RTP5: variants seen among roughly 807,000 people sequenced by gnomAD.
The protein encoded by RTP5 is receptor-transporting protein 5.
A neutral mutation model predicts 23.5 loss-of-function variants in RTP5; 30 were observed. The observed-to-expected ratio is 1.27, with a 90% CI of 0.95 to 1.73. RTP5 has a LOEUF of 1.73. RTP5 is among the 40% of genes most tolerant of loss of function. The probability of loss-of-function intolerance (pLI) is 0.00; values close to 1 mark genes in which losing one functional copy is unlikely to be tolerated. For synonymous variants in RTP5, 354 were observed against 342.1 expected, an observed-to-expected ratio of 1.03 and a Z score of -0.38; for missense variants, 807 against 784.2, an observed-to-expected ratio of 1.03 and a Z score of -0.35.
In RTP5 at chr2:241,872,627, G is replaced by A. The variant is rs763603406; in HGVS notation, c.1072G>A (p.Asp358Asn). 2.2e-5 allele frequency: 35 copies of A among 1,556,154 alleles called. No homozygotes were observed. Among genetic ancestry groups the A allele is most frequent in the Middle Eastern group, 3.4e-4 (2 of 5,808 alleles). Reference protein sequence around the residue: ...IFTNTLSEPTDGPVATKEASI... With the variant: ...IFTNTLSEPTNGPVATKEASI... ...CACCAACACCCTCTCGGAGCCCACC[G>A]ATGGCCCTGTGGCCACTAAAGAGGC... Residue 358 changes from aspartate to asparagine, a missense_variant, in exon 2 of 2, where the codon GAT (aspartate) becomes AAT (asparagine). Transcript: ENST00000343216.
chr2:241,870,639 A>G (rs1256412778), intron 1 of RTP5, among the ~76,000 whole-genome samples: 1 of 152,210 alleles, frequency 6.6e-6, no homozygotes, highest in African/African-American at 2.4e-5. Context: ...TGTGTGCAGA[A>G]TCCCAGCTTT....
At position 241,872,891 on chromosome 2, in the gene RTP5, G is replaced by T. The variant is rs748203611; in HGVS notation, c.1336G>T (p.Gly446Cys). ...TDITEGKEKEGGLVTAGHDAP... is the reference protein window; with the variant it reads ...TDITEGKEKECGLVTAGHDAP... The stretch of plus-strand genomic sequence containing the variant: ...CATCACTGAAGGCAAAGAGAAGGAA[G>T]GTGGCCTGGTCACCGCGGGTCACGA... The change falls in exon 2 of 2, where the codon GGT (glycine) becomes TGT (cysteine). Residue 446 changes from glycine to cysteine, a missense_variant. Physicochemically the swap from Gly to Cys is radical, Grantham distance 159. Coordinates refer to ENST00000343216, the MANE Select transcript of RTP5 (RefSeq NM_173821.3). 1 of 1,612,858 alleles carries T rather than the reference G, an allele frequency of 6.2e-7. No homozygotes were observed. The highest frequency in any genetic ancestry group is 8.5e-7 in the Non-Finnish European group (1 of 1,179,978).
In RTP5 at chr2:241,871,724, G is replaced by A. The variant is rs368585524; in HGVS notation, c.169G>A (p.Gly57Ser). 14 of 1,605,364 alleles carry A rather than the reference G, an allele frequency of 8.7e-6. No homozygotes were observed. The highest frequency in any genetic ancestry group is 1.7e-5 in the Admixed American group (1 of 58,944). ...LLVGLSRLQC[G>S]HCPGTWDSAH... is the part of the protein sequence containing the mutation. ...CTTTCCCCGCCGCAGGCTCCAGTGC[G>A]GTCACTGTCCGGGGACCTGGGACTC... The change falls in exon 2 of 2, where the codon GGT (glycine) becomes AGT (serine). Residue 57 changes from glycine (G) to serine (S), a missense_variant. Transcript: ENST00000343216.
At chr2:241,870,863 G>T in intron 1 of RTP5, 2 of 457,056 alleles carry the variant, frequency 4.4e-6, no homozygotes, top group East Asian at 7.0e-5. Flanking sequence ...CCTCCAGCAC[G>T]AACGTGTCCA....
rs201602032 is a variant in RTP5, at chr2:241,872,115, C to T, written c.560C>T (p.Pro187Leu). 437 of 1,603,194 alleles carry T rather than the reference C, an allele frequency of 2.7e-4. No homozygotes were observed. Among genetic ancestry groups the T allele is most frequent in the Non-Finnish European group, 3.4e-4 (398 of 1,173,282 alleles). Residue 187 changes from proline to leucine, a missense_variant, in exon 2 of 2, where the codon CCG becomes CTG. Transcript: ENST00000343216. ...GGTGTVSRGK[P>L]LSTPGDDLGK... The stretch of plus-strand genomic sequence containing the variant: ...ACTGGCACCGTCTCCAGGGGCAAAC[C>T]GCTGTCCACCCCTGGCGACGACCTT...
chr2:241,870,151 G>T (rs1256387231), intron 1 of RTP5, among the ~76,000 whole-genome samples: 1 of 152,198 alleles, frequency 6.6e-6, no homozygotes, highest in African/African-American at 2.4e-5. Flanking sequence ...TGGAGAGTTT[G>T]GTTTCCCTCA....
rs1701281883 is a variant in RTP5, at chr2:241,869,834, G to A, written c.78G>A (p.Trp26Ter). 3 of 1,580,766 alleles carry A rather than the reference G, an allele frequency of 1.9e-6. No homozygotes were observed. The highest frequency in any genetic ancestry group is 4.7e-5 in the East Asian group (2 of 42,938). The change falls in exon 1 of 2, where the codon TGG becomes TGA. Residue 26 changes from tryptophan (W) to a stop codon, truncating the protein, a stop_gained. Transcript: ENST00000343216. LOFTEE classifies it high-confidence loss of function. ...AMAERKPQDV[W>*]VLLPEHSLVP... Reference sequence around the variant, plus strand: ...CCGAGAGGAAGCCCCAGGACGTCTGGGTTCTGCTACCTGAGCACAGCCTGG... The same window carrying A: ...CCGAGAGGAAGCCCCAGGACGTCTGAGTTCTGCTACCTGAGCACAGCCTGG...
chr2:241,869,769 G>T lies in RTP5; in HGVS notation c.13G>T (p.Gly5Trp). The T allele has an allele frequency of 1.3e-6, 2 of 1,533,000 alleles. No individual in the cohort carries two copies. 95.0% of individuals were successfully genotyped at this position (1,533,000 alleles called of 1,614,324 possible). ...GCCAGGCGGCAGCATGGACCGGGCT[G>T]GGGCAGACATGTGGGCCAGCACCTT... Reference protein sequence around the residue: MDRAGADMWASTFTL... With the variant: MDRAWADMWASTFTL... Residue 5 changes from glycine to tryptophan, a missense_variant, in exon 1 of 2, where the codon GGG becomes TGG. Physicochemically the swap from Gly to Trp is radical, Grantham distance 184. Transcript: ENST00000343216.
rs371949798 is a variant in RTP5 at position 241,872,964 on chromosome 2, G to A, written c.1409G>A (p.Gly470Asp). Residue 470 changes from glycine to aspartate, a missense_variant, in exon 2 of 2, where the codon GGC becomes GAC. Gly to Asp is a moderately conservative substitution (Grantham distance 94). Coordinates refer to ENST00000343216, the MANE Select transcript of RTP5 (RefSeq NM_173821.3). ...NAEGPITVSEGCITIPFAVFD... is the reference protein window; with the variant it reads ...NAEGPITVSEDCITIPFAVFD... ...GAGGGCCCCATCACGGTTAGTGAGGGCTGCATCACCATCCCCTTCGCAGTC... is the reference window on the plus strand; with the variant it reads ...GAGGGCCCCATCACGGTTAGTGAGGACTGCATCACCATCCCCTTCGCAGTC... 322 of 1,612,992 alleles carry A rather than the reference G, an allele frequency of 2.0e-4. No individual in the cohort carries two copies. The highest frequency in any genetic ancestry group is 2.5e-4 in the Non-Finnish European group (300 of 1,180,020).
rs772331395 is a variant in RTP5, at chr2:241,872,943, G to T, written c.1388G>T (p.Gly463Val). ...GCCCCTCTGGAGGCCAATGCCGAGG[G>T]CCCCATCACGGTTAGTGAGGGCTGC... The part of the protein sequence containing the change: ...HDAPLEANAE[G>V]PITVSEGCIT... Residue 463 changes from glycine (G) to valine (V), a missense_variant, in exon 2 of 2, where the codon GGC (glycine) becomes GTC (valine). Transcript: ENST00000343216. The T allele has an allele frequency of 3.1e-6, 5 of 1,613,036 alleles. No individual in the cohort carries two copies. In the Admixed American group the frequency reaches 8.3e-5, roughly 27 times the overall value.
At chr2:241,870,019 C>G in intron 1 of RTP5, 105 bp downstream of exon 1, 2 of 903,340 alleles carry the variant, frequency 2.2e-6, no homozygotes, top group Non-Finnish European at 3.0e-6. Flanking sequence ...TGGGCCTCGT[C>G]TTGTCCCCGA....
chr2:241,873,223 G>C lies in RTP5; in HGVS notation c.1668G>C (p.Trp556Cys). 1 of 1,604,260 alleles carries C rather than the reference G, an allele frequency of 6.2e-7. No individual in the cohort carries two copies. Among genetic ancestry groups the C allele is most frequent in the Non-Finnish European group, 8.5e-7 (1 of 1,178,548 alleles). Residue 556 changes from tryptophan (W) to cysteine (C), a missense_variant, in exon 2 of 2, where the codon TGG (tryptophan) becomes TGC (cysteine). Physicochemically the swap from Trp to Cys is radical, Grantham distance 215. Coordinates refer to ENST00000343216, the MANE Select transcript of RTP5 (RefSeq NM_173821.3). Reference protein sequence around the residue: ...IWVSMTVCVFWLMCMCRLNPG... With the variant: ...IWVSMTVCVFCLMCMCRLNPG... The stretch of plus-strand genomic sequence containing the variant: ...TGTCCATGACCGTGTGCGTCTTCTG[G>C]CTGATGTGCATGTGTCGGCTGAACC...
rs1486451068 is a variant in RTP5 at position 241,871,897 on chromosome 2, C to T, written c.342C>T (p.Leu114=). The T allele has an allele frequency of 1.6e-5, 25 of 1,564,752 alleles. No homozygotes were observed. Among genetic ancestry groups the T allele is most frequent in the Non-Finnish European group, 2.1e-5 (24 of 1,153,686 alleles). ...GGCCCCCGGGCGAGCAGCCCTTCCT[C>T]AGCAGGCTGGTCTTGCACATCCTGC... ...QVRPPGEQPF[L]SRLVLHILQD... Residue 114 remains leucine (L), a synonymous_variant, in exon 2 of 2, where the codon CTC becomes CTT. Coordinates refer to ENST00000343216, the MANE Select transcript of RTP5 (RefSeq NM_173821.3).
At chr2:241,871,492 G>C (rs1166708784) in intron 1 of RTP5, among the ~76,000 whole-genome samples, 1 of 152,232 alleles carries the variant, frequency 6.6e-6, no homozygotes, top group Non-Finnish European at 1.5e-5. Flanking sequence ...CGAGGGGCTG[G>C]TGGTTTCAGA....
Position 241,872,999 on chromosome 2 carries a change from A to G in RTP5, c.1444A>G (p.Ile482Val). The G allele has an allele frequency of 1.9e-6, 3 of 1,613,136 alleles. No individual in the cohort carries two copies. The highest frequency in any genetic ancestry group is 1.6e-4 in the Middle Eastern group (1 of 6,062). Residue 482 changes from isoleucine to valine, a missense_variant, in exon 2 of 2, where the codon ATA (isoleucine) becomes GTA (valine). Coordinates refer to ENST00000343216, the MANE Select transcript of RTP5 (RefSeq NM_173821.3). ...ITIPFAVFDV[I>V]KRKGGGHVAY... ...CATCCCCTTCGCAGTCTTCGATGTCATAAAGCGCAAGGGCGGTGGCCACGT... is the reference window on the plus strand; with the variant it reads ...CATCCCCTTCGCAGTCTTCGATGTCGTAAAGCGCAAGGGCGGTGGCCACGT...
chr2:241,870,040 T>G (rs548868131), intron 1 of RTP5, 126 bp downstream of exon 1: 117 of 664,106 alleles, frequency 1.8e-4, no homozygotes, highest in East Asian at 2.5e-4. Flanking sequence ...GACGGGAGGG[T>G]GGGGCTGGGT....
In RTP5 at chr2:241,873,734, G is replaced by A. The variant is rs867761215; in HGVS notation, c.*460G>A. On this transcript the variant is annotated 3_prime_UTR_variant, in exon 2 of 2. Transcript: ENST00000343216. The stretch of plus-strand genomic sequence containing the variant: ...AGCAGCTCAGCCCCTCCTGTCTCTT[G>A]CCCCTGGTTTTGTGGGTCTGCCCTG... The A allele has an allele frequency of 5.7e-5, 11 of 193,772 alleles. No individual in the cohort carries two copies. The highest frequency in any genetic ancestry group is 9.8e-5 in the African/African-American group (4 of 40,612). The allele number at this position is 193,772 out of a possible 1,614,324, so 12.0% of individuals were successfully genotyped here.
At chr2:241,870,013 C>T (rs529201297) in intron 1 of RTP5, 99 bp downstream of exon 1, 15 of 1,222,598 alleles carry the variant, frequency 1.2e-5, no homozygotes, top group South Asian at 1.9e-5. Flanking sequence ...GGCTGTTGGG[C>T]CTCGTCTTGT....
Position 241,873,131 on chromosome 2 carries a change from G to A in RTP5, c.1576G>A (p.Asp526Asn), listed in dbSNP as rs760037716. Residue 526 changes from aspartate to asparagine, a missense_variant, in exon 2 of 2, where the codon GAC (aspartate) becomes AAC (asparagine). Physicochemically the swap from Asp to Asn is conservative, Grantham distance 23. Coordinates refer to ENST00000343216, the MANE Select transcript of RTP5 (RefSeq NM_173821.3). ...CCGCTGTGGGTGCCGCCGGGAGGAA[G>A]ACGAGCGCCCTGGCCGTGCCTGCCG... ...KARCGCRREE[D>N]ERPGRACRRP... The A allele has an allele frequency of 6.8e-6, 11 of 1,612,304 alleles. No homozygotes were observed. In the South Asian group the frequency reaches 7.7e-5, roughly 11 times the overall value.
Sources: gnomAD v4.1 joint callset for allele counts (sites outside exome capture counted in the v4.1 genomes callset) on GRCh38, gnomAD v4.1.1 for gene constraint, MANE v1.5 for transcripts, NCBI Gene and HGNC (gene_info 2026-07-23, HGNC 2026-07-21) for gene names.